Variants in ALOX5 observed in about 807,000 individuals in gnomAD.
ALOX5 encodes the protein polyunsaturated fatty acid 5-lipoxygenase.
ALOX5 carries 64 observed loss-of-function variants against 87.9 expected under a neutral mutation model. The observed-to-expected ratio is 0.73, with a 90% CI of 0.60 to 0.90. The LOEUF (loss-of-function observed/expected upper bound fraction) is 0.90. ALOX5 is among the 40% of genes least tolerant of loss of function. The probability of loss-of-function intolerance (pLI) is 0.00; values close to 1 mark genes in which losing one functional copy is unlikely to be tolerated. For missense variants in ALOX5, 822 were observed against 907.5 expected (o/e 0.91, Z 1.21); for synonymous variants, 388 against 355.1 (o/e 1.09, Z -1.04).
chr10:45,436,868 A>AT (rs1013244330), intron 7 of ALOX5, among the ~76,000 whole-genome samples: 1 of 151,636 alleles, frequency 6.6e-6, no homozygotes, highest in Non-Finnish European at 1.5e-5. Context: ...ATGTTTTTCC[A>AT]TTTTTTTGTG....
At chr10:45,438,298 C>T (rs1039568164) in intron 7 of ALOX5, among the ~76,000 whole-genome samples, 6 of 152,064 alleles carry the variant, frequency 3.9e-5, no homozygotes, top group Non-Finnish European at 7.4e-5. Flanking sequence ...ATCATGTTGC[C>T]GGCTGAGCTC....
chr10:45,406,606 T>C (rs1840895131), intron 3 of ALOX5, among the ~76,000 whole-genome samples: 1 of 152,224 alleles, frequency 6.6e-6, no homozygotes, highest in Non-Finnish European at 1.5e-5. Context: ...CTAGCTACTC[T>C]ACATTTAGCA....
chr10:45,442,871 G>A, intron 9 of ALOX5, 167 bp from the exon 10 acceptor site: 1 of 692,546 alleles, frequency 1.4e-6, no homozygotes, highest in Non-Finnish European at 2.4e-6. Context: ...CCACCCGGCT[G>A]CCCTTGTCAT....
At chr10:45,421,276 T>C (rs1841496172) in intron 4 of ALOX5, among the ~76,000 whole-genome samples, 1 of 152,254 alleles carries the variant, frequency 6.6e-6, no homozygotes, top group Non-Finnish European at 1.5e-5. Flanking sequence ...CCCACCCTGT[T>C]TTCAGAGTAA....
intron 5 of ALOX5, 55 bp from the exon 6 acceptor site, chr10:45,424,905 G>T (rs1254417811): frequency 7.5e-6 from 12 of 1,599,312 alleles, no homozygotes; most frequent in Non-Finnish European, 1.0e-5. Flanking sequence ...GAGGGCCATG[G>T]CCCTGGCTGC....
chr10:45,379,748 T>C (rs1358936538), intron 1 of ALOX5, among the ~76,000 whole-genome samples: 1 of 152,082 alleles, frequency 6.6e-6, no homozygotes, highest in Non-Finnish European at 1.5e-5. Context: ...TTCTCAATGG[T>C]CCTGCAAGTG....
In ALOX5 at chr10:45,390,340, G is replaced by C. The variant is rs570029493; in HGVS notation, c.350-5515G>C. Among the ~76,000 whole-genome samples the C allele has an allele frequency of 3.3e-3, 500 of 152,252 alleles. 1 individual carries two copies. Among genetic ancestry groups the C allele is most frequent in the African/African-American group, 0.01 (431 of 41,542 alleles). On this transcript the variant is annotated intron_variant, in intron 2 of 13. Coordinates refer to ENST00000374391, the MANE Select transcript of ALOX5 (RefSeq NM_000698.5). ...TGAACTCAGCTCTCCAGCAAGCGGAGCTAATAGACATCTACAGAACTCTCC... is the reference window on the plus strand; with the variant it reads ...TGAACTCAGCTCTCCAGCAAGCGGACCTAATAGACATCTACAGAACTCTCC...
At chr10:45,438,892 C>A (rs1359836347) in intron 7 of ALOX5, among the ~76,000 whole-genome samples, 1 of 152,226 alleles carries the variant, frequency 6.6e-6, no homozygotes, top group South Asian at 2.1e-4. Context: ...TCCCTCCCCC[C>A]TCCTTGGTCC....
chr10:45,418,306 C>T (rs931966259), intron 4 of ALOX5, among the ~76,000 whole-genome samples: 1 of 151,972 alleles, frequency 6.6e-6, no homozygotes, highest in African/African-American at 2.4e-5. Context: ...TGGGGGGACC[C>T]TAGGAAAGTC....
rs1011609909 is a variant in ALOX5 at position 45,374,234 on chromosome 10, C to G, written c.-46C>G. ...CGGCGCTAGATGCGGACACCTGGAC[C>G]GCCGCGCCGAGGCTCCCGGCGCTCG... On this transcript the variant is annotated 5_prime_UTR_variant, in exon 1 of 14. Transcript: ENST00000374391. 5.5e-6 allele frequency: 8 copies of G among 1,443,220 alleles called. No individual in the cohort carries two copies. Among genetic ancestry groups the G allele is most frequent in the Non-Finnish European group, 7.3e-6 (8 of 1,098,598 alleles). The allele number at this position is 1,443,220 out of a possible 1,614,324, so 89.4% of individuals were successfully genotyped here.
Position 45,443,550 on chromosome 10 carries a change from GGAC to G in ALOX5, c.1573+15_1573+17del, listed in dbSNP as rs772478341. 6 of 1,607,742 alleles carry G rather than the reference GGAC, an allele frequency of 3.7e-6. No individual in the cohort carries two copies. In the East Asian group the frequency reaches 1.3e-4, roughly 36 times the overall value. Reference sequence around the variant, plus strand: ...CGCAAGTCCTCAGGTAGGGCCTCCGGGACGTCTCCGGACCCGGCTCCCCCGCAG... The same window carrying G: ...CGCAAGTCCTCAGGTAGGGCCTCCGGGTCTCCGGACCCGGCTCCCCCGCAG... On this transcript the variant is annotated intron_variant, in intron 11 of 13. Transcript: ENST00000374391.
Position 45,382,510 on chromosome 10 carries a change from G to A in ALOX5, c.178G>A (p.Glu60Lys), listed in dbSNP as rs369176350. 1.5e-5 allele frequency: 25 copies of A among 1,614,074 alleles called. No individual in the cohort carries two copies. The African/African-American group carries it at 1.7e-4, about 11-fold the overall frequency. Residue 60 changes from glutamate (E) to lysine (K), a missense_variant, in exon 2 of 14, where the codon GAG becomes AAG. Physicochemically the swap from Glu to Lys is moderately conservative, Grantham distance 56. Coordinates refer to ENST00000374391, the MANE Select transcript of ALOX5 (RefSeq NM_000698.5). Reference sequence around the variant, plus strand: ...GGATTCATACGACGTGACTGTGGACGAGGAACTGGGCGAGATCCAGCTGGT... The same window carrying A: ...GGATTCATACGACGTGACTGTGGACAAGGAACTGGGCGAGATCCAGCTGGT... Reference protein sequence around the residue: ...AVDSYDVTVDEELGEIQLVRI... With the variant: ...AVDSYDVTVDKELGEIQLVRI...
intron 4 of ALOX5, among the ~76,000 whole-genome samples, chr10:45,418,353 CAAT>C (rs2132782999): frequency 6.6e-6 from 1 of 152,234 alleles, no homozygotes; most frequent in East Asian, 1.9e-4. Flanking sequence ...CTCAAATGAA[CAAT>C]GAGACCCGGC....
At chr10:45,441,832 G>A (rs1435387417) in intron 9 of ALOX5, among the ~76,000 whole-genome samples, 4 of 152,006 alleles carry the variant, frequency 2.6e-5, no homozygotes, top group South Asian at 2.1e-4. Flanking sequence ...TCTGCTTCCC[G>A]GGTCCCAACC....
intron 4 of ALOX5, among the ~76,000 whole-genome samples, chr10:45,419,849 T>A (rs1841440802): frequency 6.6e-6 from 1 of 151,918 alleles, no homozygotes; most frequent in African/African-American, 2.4e-5. Context: ...GCAGGGTGCC[T>A]GTGGAGGAAG....
chr10:45,407,983 G>A (rs1840940842), intron 3 of ALOX5, among the ~76,000 whole-genome samples: 1 of 151,894 alleles, frequency 6.6e-6, no homozygotes. Flanking sequence ...ATGAGTTTGG[G>A]GTCCTAAAAT....
rs71515351 is a variant in ALOX5, at chr10:45,409,509, G to GTCTCTCTCTC, written c.432-2666_432-2657dup. Among the ~76,000 whole-genome samples, 460 of 129,900 alleles carry GTCTCTCTCTC rather than the reference G, an allele frequency of 3.5e-3. 14 individuals are homozygous for GTCTCTCTCTC. The highest frequency in any genetic ancestry group is 0.011 in the Middle Eastern group (3 of 262). 85.2% of individuals were successfully genotyped at this position (129,900 alleles called of 152,430 possible). A position where few individuals can be genotyped will look rare whatever the true frequency, so the allele number is the denominator to read the frequency against. ...CCCCTTAGGATCTCTCTGTCTGTCTGTCTCTCTCTCTCTCTCTCTCTCTCT... is the reference window on the plus strand; with the variant it reads ...CCCCTTAGGATCTCTCTGTCTGTCTGTCTCTCTCTCTCTCTCTCTCTCTCTCTCTCTCTCT... On this transcript the variant is annotated intron_variant, in intron 3 of 13. Transcript: ENST00000374391.
chr10:45,391,054 CTCTCCCTCTCCCTCTCCCCACGG>C lies in ALOX5; in HGVS notation c.350-4761_350-4739del, dbSNP rs1397224500. 1.9e-4 allele frequency among the ~76,000 whole-genome samples: 18 copies of C among 93,004 alleles called. 2 individuals carry two copies. Among genetic ancestry groups the C allele is most frequent in the East Asian group, 8.6e-4 (2 of 2,326 alleles). The allele number at this position is 93,004 out of a possible 152,430, so 61.0% of individuals were successfully genotyped here. On this transcript the variant is annotated intron_variant, in intron 2 of 13. Transcript: ENST00000374391. ...TCCCCTCTCCCATCTCCCCTCTCCCCTCTCCCTCTCCCTCTCCCCACGGTCTCCCTCTCCCTCTCCCCACGGTC... is the reference window on the plus strand; with the variant it reads ...TCCCCTCTCCCATCTCCCCTCTCCCCTCTCCCTCTCCCTCTCCCCACGGTC...
intron 4 of ALOX5, among the ~76,000 whole-genome samples, chr10:45,414,120 G>T (rs147303455): frequency 7.2e-5 from 11 of 152,256 alleles, no homozygotes; most frequent in Admixed American, 3.9e-4. Context: ...AAAAGAGCCC[G>T]CATTGCCAAG....
Sources: allele counts gnomAD v4.1 joint callset (sites outside exome capture counted in the v4.1 genomes callset), GRCh38; gene constraint gnomAD v4.1.1; transcripts MANE v1.5; gene names NCBI Gene and HGNC (gene_info 2026-07-23, HGNC 2026-07-21).